LYRM2: variants seen among roughly 807,000 people sequenced by gnomAD.
The protein encoded by LYRM2 is LYR motif containing 2, also known as LYR motif-containing protein 2.
Under a neutral mutation model 11.6 loss-of-function variants are expected in LYRM2, and 8 were observed. The observed-to-expected ratio is 0.69, with a 90% CI of 0.40 to 1.24. The LOEUF (loss-of-function observed/expected upper bound fraction) is 1.24, where lower values mean the gene tolerates loss of function less well. LYRM2 is among the 50% of genes most tolerant of loss of function. LYRM2 has a pLI of 0.01. For missense variants in LYRM2, 117 were observed against 102.9 expected (o/e 1.14, Z -0.59); for synonymous variants, 30 against 36.4 (o/e 0.83, Z 0.63).
In LYRM2 at chr6:89,636,379, T is replaced by C; in HGVS notation, c.*894A>G. The C allele has an allele frequency of 6.6e-6, 1 of 152,272 alleles. No individual in the cohort carries two copies. The highest frequency in any genetic ancestry group is 1.5e-5 in the Non-Finnish European group (1 of 68,044). The allele number at this position is 152,272 out of a possible 1,614,324, so 9.4% of individuals were successfully genotyped here. On this transcript the variant is annotated 3_prime_UTR_variant, in exon 3 of 3. Transcript: ENST00000523377. The stretch of plus-strand genomic sequence containing the variant: ...GTATGAATGGAATCATCATGTGATC[T>C]TTTGTGACCGGCTTCTTTCACTTAA...
rs1021822716 is a variant in LYRM2 at position 89,636,838 on chromosome 6, A to C, written c.*435T>G. The C allele has an allele frequency of 2.6e-5, 4 of 152,916 alleles. No homozygotes were observed. Among genetic ancestry groups the C allele is most frequent in the Non-Finnish European group, 5.8e-5 (4 of 68,746 alleles). The allele number at this position is 152,916 out of a possible 1,614,324, so 9.5% of individuals were successfully genotyped here. A position where few individuals can be genotyped will look rare whatever the true frequency, so the allele number is the denominator to read the frequency against. ...GGGACTACAGGCAATGCACCACCAC[A>C]CCAAGCTAATTTTTGTATTTTTAGT... is the stretch of plus-strand genomic sequence containing the variant. On this transcript the variant is annotated 3_prime_UTR_variant, in exon 3 of 3. Transcript: ENST00000523377.
At position 89,638,723 on chromosome 6, in the gene LYRM2, C is replaced by G. The variant is rs1321346244; in HGVS notation, c.-7G>C. 10 of 1,613,872 alleles carry G rather than the reference C, an allele frequency of 6.2e-6. No individual in the cohort carries two copies. Among genetic ancestry groups the G allele is most frequent in the Non-Finnish European group, 8.5e-6 (10 of 1,179,944 alleles). On this transcript the variant is annotated 5_prime_UTR_variant, in exon 1 of 3. Transcript: ENST00000523377. ...GTAAGCGGGAAGCAGCCATGTCCAC[C>G]AGAGGTCCGCCGGAGCCTCAGCGCG...
At chr6:89,638,399 T>G in intron 1 of LYRM2, 1 of 1,401,260 alleles carries the variant, frequency 7.1e-7, no homozygotes, top group Non-Finnish European at 9.3e-7. Context: ...GCAATAGACT[T>G]TTACCGTGGG....
At position 89,632,318 on chromosome 6, in the gene LYRM2, TTTTC is replaced by T. The variant is rs1163618968; in HGVS notation, c.*4951_*4954del. 1 of 151,934 alleles carries T rather than the reference TTTTC, an allele frequency of 6.6e-6. No homozygotes were observed. Among genetic ancestry groups the T allele is most frequent in the African/African-American group, 2.4e-5 (1 of 41,286 alleles). The allele number at this position is 151,934 out of a possible 1,614,324, so 9.4% of individuals were successfully genotyped here. On this transcript the variant is annotated 3_prime_UTR_variant, in exon 3 of 3. Coordinates refer to ENST00000523377, the MANE Select transcript of LYRM2 (RefSeq NM_020466.5). The stretch of plus-strand genomic sequence containing the variant: ...CTTTGTCAAGCTCAGTTTTAGGGTT[TTTTC>T]TTTTTTTTATAGTGACAATCCATAG...
rs779549828 is a variant in LYRM2 at position 89,637,226 on chromosome 6, A to T, written c.*47T>A. ...GTTGTCCATTGTTAATCCTAAATGC[A>T]ACAAAACACATGGAGACTTTGAAAA... is the stretch of plus-strand genomic sequence containing the variant. On this transcript the variant is annotated 3_prime_UTR_variant, in exon 3 of 3. Transcript: ENST00000523377. 6 of 913,510 alleles carry T rather than the reference A, an allele frequency of 6.6e-6. No individual in the cohort carries two copies. Among genetic ancestry groups the T allele is most frequent in the Non-Finnish European group, 1.1e-5 (6 of 561,490 alleles). The allele number at this position is 913,510 out of a possible 1,614,324, so 56.6% of individuals were successfully genotyped here.
chr6:89,633,166 G>C lies in LYRM2; in HGVS notation c.*4107C>G, dbSNP rs1807727920. The C allele has an allele frequency of 6.6e-6, 1 of 152,106 alleles. No homozygotes were observed. Among genetic ancestry groups the C allele is most frequent in the African/African-American group, 2.4e-5 (1 of 41,400 alleles). 9.4% of individuals were successfully genotyped at this position (152,106 alleles called of 1,614,324 possible). A position where few individuals can be genotyped will look rare whatever the true frequency, so the allele number is the denominator to read the frequency against. On this transcript the variant is annotated 3_prime_UTR_variant, in exon 3 of 3. Transcript: ENST00000523377. ...AGAAGGGTCAAAAGGACCTAGTGTG[G>C]CTTACTACATGGATCTTGTCTCTTG...
Position 89,637,029 on chromosome 6 carries a change from A to C in LYRM2, c.*244T>G. 8 of 352,614 alleles carry C rather than the reference A, an allele frequency of 2.3e-5. No individual in the cohort carries two copies. Among genetic ancestry groups the C allele is most frequent in the South Asian group, 3.7e-5 (1 of 26,926 alleles). The allele number at this position is 352,614 out of a possible 1,614,324, so 21.8% of individuals were successfully genotyped here. On this transcript the variant is annotated 3_prime_UTR_variant, in exon 3 of 3. Transcript: ENST00000523377. Reference sequence around the variant, plus strand: ...TCCCTAATGATTGTGTCCAGCATCTACTGGCCATTTGTTAGTGGTTTTTTT... The same window carrying C: ...TCCCTAATGATTGTGTCCAGCATCTCCTGGCCATTTGTTAGTGGTTTTTTT...
In LYRM2 at chr6:89,634,889, AAT is replaced by A. The variant is rs914883996; in HGVS notation, c.*2382_*2383del. On this transcript the variant is annotated 3_prime_UTR_variant, in exon 3 of 3. Coordinates refer to ENST00000523377, the MANE Select transcript of LYRM2 (RefSeq NM_020466.5). ...ACTGCAGCCTCTGCCTCCCGGGTTC[AAT>A]ATGAGGCAGCCCTCCTGAGTAGCTG... The A allele has an allele frequency of 1.3e-5, 2 of 152,130 alleles. No individual in the cohort carries two copies. The highest frequency in any genetic ancestry group is 1.5e-5 in the Non-Finnish European group (1 of 68,066). 9.4% of individuals were successfully genotyped at this position (152,130 alleles called of 1,614,324 possible).
chr6:89,633,969 G>T lies in LYRM2; in HGVS notation c.*3304C>A, dbSNP rs1047217523. ...GTAAATACATTGGCTGTAAAGTCGC[G>T]ATCAGGTGCTCTCCACCAAAAGCAA... On this transcript the variant is annotated 3_prime_UTR_variant, in exon 3 of 3. Transcript: ENST00000523377. The T allele has an allele frequency of 1.3e-5, 2 of 152,162 alleles. No individual in the cohort carries two copies. Among genetic ancestry groups the T allele is most frequent in the Non-Finnish European group, 2.9e-5 (2 of 68,032 alleles). The allele number at this position is 152,162 out of a possible 1,614,324, so 9.4% of individuals were successfully genotyped here.
At chr6:89,638,202 G>T in intron 1 of LYRM2, 1 of 837,022 alleles carries the variant, frequency 1.2e-6, no homozygotes, top group Non-Finnish European at 1.5e-6. Context: ...AGCATCACGA[G>T]GTTCATCTGA....
chr6:89,634,087 A>C lies in LYRM2; in HGVS notation c.*3186T>G, dbSNP rs1807890399. 1 of 152,258 alleles carries C rather than the reference A, an allele frequency of 6.6e-6. No homozygotes were observed. The allele number at this position is 152,258 out of a possible 1,614,324, so 9.4% of individuals were successfully genotyped here. On this transcript the variant is annotated 3_prime_UTR_variant, in exon 3 of 3. Coordinates refer to ENST00000523377, the MANE Select transcript of LYRM2 (RefSeq NM_020466.5). ...GGAAAATACTGGACAAAGGGGAAGG[A>C]CAAAACATCATTTGCAATAGTTAAA... is the stretch of plus-strand genomic sequence containing the variant.
chr6:89,638,282 A>G, intron 1 of LYRM2: 6 of 1,140,792 alleles, frequency 5.3e-6, no homozygotes, highest in East Asian at 1.1e-4. Context: ...CGGGCTGAAA[A>G]GGGCTGCCGG....
At position 89,635,567 on chromosome 6, in the gene LYRM2, T is replaced by C. The variant is rs546227829; in HGVS notation, c.*1706A>G. 3 of 152,654 alleles carry C rather than the reference T, an allele frequency of 2.0e-5. No individual in the cohort carries two copies. The highest frequency in any genetic ancestry group is 1.3e-4 in the Admixed American group (2 of 15,312). The allele number at this position is 152,654 out of a possible 1,614,324, so 9.5% of individuals were successfully genotyped here. A position where few individuals can be genotyped will look rare whatever the true frequency, so the allele number is the denominator to read the frequency against. ...TCCAGTACTGGATACCATTTATCAT[T>C]CTGCAAAATGTTGTCTACATCTTTC... On this transcript the variant is annotated 3_prime_UTR_variant, in exon 3 of 3. Transcript: ENST00000523377.
chr6:89,635,544 C>CAGTAT lies in LYRM2; in HGVS notation c.*1728_*1729insATACT, dbSNP rs1807979590. 6.6e-6 allele frequency: 1 copy of CAGTAT among 152,460 alleles called. No homozygotes were observed. Among genetic ancestry groups the CAGTAT allele is most frequent in the Non-Finnish European group, 1.5e-5 (1 of 68,120 alleles). The allele number at this position is 152,460 out of a possible 1,614,324, so 9.4% of individuals were successfully genotyped here. On this transcript the variant is annotated 3_prime_UTR_variant, in exon 3 of 3. Coordinates refer to ENST00000523377, the MANE Select transcript of LYRM2 (RefSeq NM_020466.5). The stretch of plus-strand genomic sequence containing the variant: ...CAGTTGATGCCTCTCAGACACAGTC[C>CAGTAT]AGTACTGGATACCATTTATCATTCT...
Position 89,638,726 on chromosome 6 carries a change from A to G in LYRM2, c.-10T>C. The G allele has an allele frequency of 6.2e-7, 1 of 1,613,946 alleles. No individual in the cohort carries two copies. The highest frequency in any genetic ancestry group is 8.5e-7 in the Non-Finnish European group (1 of 1,179,918). On this transcript the variant is annotated 5_prime_UTR_variant, in exon 1 of 3. Transcript: ENST00000523377. ...AGCGGGAAGCAGCCATGTCCACCAG[A>G]GGTCCGCCGGAGCCTCAGCGCGCAG...
chr6:89,638,123 C>T, intron 1 of LYRM2: 1 of 603,368 alleles, frequency 1.7e-6, no homozygotes, highest in Non-Finnish European at 2.6e-6. Flanking sequence ...CTGAGGTAAG[C>T]CTTCATTGCG....
rs1161379944 is a variant in LYRM2, at chr6:89,638,666, C to G, written c.45+6G>C. On this transcript the variant is annotated splice_donor_region_variant and intron_variant, in intron 1 of 2. Coordinates refer to ENST00000523377, the MANE Select transcript of LYRM2 (RefSeq NM_020466.5). ...GCTGCTTTGGAAGGCAGAGAACCGCCGGTACCTGCTTTAACGTTAGCGTCG... is the reference window on the plus strand; with the variant it reads ...GCTGCTTTGGAAGGCAGAGAACCGCGGGTACCTGCTTTAACGTTAGCGTCG... The G allele has an allele frequency of 2.5e-6, 4 of 1,613,980 alleles. No homozygotes were observed. The highest frequency in any genetic ancestry group is 3.4e-6 in the Non-Finnish European group (4 of 1,179,968).
Position 89,632,674 on chromosome 6 carries a change from G to T in LYRM2, c.*4599C>A, listed in dbSNP as rs1807641304. The T allele has an allele frequency of 6.6e-6, 1 of 152,160 alleles. No individual in the cohort carries two copies. Among genetic ancestry groups the T allele is most frequent in the Non-Finnish European group, 1.5e-5 (1 of 68,016 alleles). 9.4% of individuals were successfully genotyped at this position (152,160 alleles called of 1,614,324 possible). On this transcript the variant is annotated 3_prime_UTR_variant, in exon 3 of 3. Transcript: ENST00000523377. ...TTTCATGTGTTTGGGAGCTTGTCTT[G>T]TTCTCAACTACTACGCAGGTAGACA...
At chr6:89,637,979 G>T in intron 1 of LYRM2, 97 bp from the exon 2 acceptor site, 1 of 1,245,078 alleles carries the variant, frequency 8.0e-7, no homozygotes, top group Non-Finnish European at 1.1e-6. Context: ...AGTACTTCTC[G>T]TTGGTCAATT....
Sources: allele counts gnomAD v4.1 joint callset, GRCh38; gene constraint gnomAD v4.1.1; transcripts MANE v1.5; gene names NCBI Gene and HGNC (gene_info 2026-07-23, HGNC 2026-07-21).